Variants in PGGT1B observed in about 807,000 individuals in gnomAD.
PGGT1B encodes the protein protein geranylgeranyltransferase type I subunit beta, also known as geranylgeranyl transferase type-1 subunit beta.
A neutral mutation model predicts 46.1 loss-of-function variants in PGGT1B; 30 were observed. That is an observed-to-expected ratio of 0.65 (90% CI 0.49 to 0.88). The LOEUF (loss-of-function observed/expected upper bound fraction) is 0.88. PGGT1B is among the 40% of genes least tolerant of loss of function. PGGT1B has a pLI of 0.00. For missense variants in PGGT1B, 376 were observed against 455.9 expected, an observed-to-expected ratio of 0.82 and a Z score of 1.60; for synonymous variants, 170 against 160.0, an observed-to-expected ratio of 1.06 and a Z score of -0.47.
Position 115,212,577 on chromosome 5 carries a change from A to G in PGGT1B, c.959T>C (p.Leu320Ser), listed in dbSNP as rs746432812. ...AKWPDSHPDA[L>S]HAYFGICGLS... ...GCCACAGATCCCAAAGTATGCATGC[A>G]AAGCATCTGAAAAGAAGGCATTTAA... Residue 320 changes from leucine to serine, a missense_variant, in exon 9 of 9, where the codon TTG becomes TCG. Coordinates refer to ENST00000419445, the MANE Select transcript of PGGT1B (RefSeq NM_005023.4). 1.2e-6 allele frequency: 2 copies of G among 1,600,192 alleles called. No individual in the cohort carries two copies.
At chr5:115,237,339 T>G (rs1004699146) in intron 4 of PGGT1B, among the ~76,000 whole-genome samples, 4 of 152,182 alleles carry the variant, frequency 2.6e-5, no homozygotes. Context: ...AAAATTTTTT[T>G]TCTACCTTAA....
At chr5:115,238,045 GTGAAA>G (rs760423609) in intron 3 of PGGT1B, 36 bp from the exon 4 acceptor site, 1 of 1,448,010 alleles carries the variant, frequency 6.9e-7, no homozygotes, top group Non-Finnish European at 9.4e-7. Context: ...AATTAATGAA[GTGAAA>G]TGAAAACTTA....
chr5:115,251,519 A>T (rs1040619738), intron 2 of PGGT1B, among the ~76,000 whole-genome samples: 9 of 152,088 alleles, frequency 5.9e-5, no homozygotes, highest in Admixed American at 3.3e-4. Flanking sequence ...AATAATCCTT[A>T]ATAGTGGGGG....
intron 5 of PGGT1B, among the ~76,000 whole-genome samples, chr5:115,232,813 A>G (rs190675941): frequency 7.9e-5 from 12 of 152,156 alleles, no homozygotes; most frequent in African/African-American, 2.9e-4. Context: ...AGAATGTGCA[A>G]GTCAAAGTGG....
rs536948038 is a variant in PGGT1B, at chr5:115,209,185, T to C, written c.*3217A>G. The C allele has an allele frequency of 1.3e-5, 2 of 152,238 alleles. No individual in the cohort carries two copies. The highest frequency in any genetic ancestry group is 6.6e-5 in the Admixed American group (1 of 15,254). 9.4% of individuals were successfully genotyped at this position (152,238 alleles called of 1,614,324 possible). On this transcript the variant is annotated 3_prime_UTR_variant, in exon 9 of 9. Transcript: ENST00000419445. ...TCTTGGCCTTTCTTCCCAATACTTA[T>C]CTAGATCTTCTTTCCTTTGTCCTAT...
chr5:115,213,626 C>T (rs1756314374), intron 8 of PGGT1B, among the ~76,000 whole-genome samples: 2 of 151,978 alleles, frequency 1.3e-5, no homozygotes, highest in Non-Finnish European at 2.9e-5. Context: ...ACAAAAATTA[C>T]CAGGTATGGT....
Position 115,231,019 on chromosome 5 carries a change from G to A in PGGT1B, c.615C>T (p.Ser205=). ...KAITYIRRSM[S]YDNGLAQGAG... ...CTCCCTGTGCCAGTCCATTGTCATA[G>A]GACTGAAAAAGAAAAACATTGTTCA... is the stretch of plus-strand genomic sequence containing the variant. Residue 205 remains serine, a splice_region_variant and synonymous_variant, in exon 6 of 9, where the codon TCC becomes TCT. Coordinates refer to ENST00000419445, the MANE Select transcript of PGGT1B (RefSeq NM_005023.4). 6.5e-7 allele frequency: 1 copy of A among 1,532,930 alleles called. No individual in the cohort carries two copies. The allele number at this position is 1,532,930 out of a possible 1,614,324, so 95.0% of individuals were successfully genotyped here.
intron 6 of PGGT1B, among the ~76,000 whole-genome samples, chr5:115,224,654 G>A (rs910454452): frequency 4.6e-5 from 7 of 152,032 alleles, no homozygotes; most frequent in African/African-American, 2.4e-5. Flanking sequence ...AGAACTGCTT[G>A]AGCTCAGGAG....
chr5:115,255,006 A>T (rs1054072709), intron 1 of PGGT1B, among the ~76,000 whole-genome samples: 2 of 152,124 alleles, frequency 1.3e-5, no homozygotes, highest in African/African-American at 4.8e-5. Flanking sequence ...AAGTTGGCCA[A>T]TTTCACTAGA....
intron 8 of PGGT1B, among the ~76,000 whole-genome samples, chr5:115,215,750 G>A (rs1298788531): frequency 1.3e-5 from 2 of 152,040 alleles, no homozygotes; most frequent in East Asian, 1.9e-4. Flanking sequence ...GATGGAAGAT[G>A]AGTTGATGAG....
At chr5:115,246,295 G>T (rs1366065459) in intron 2 of PGGT1B, among the ~76,000 whole-genome samples, 3 of 151,318 alleles carry the variant, frequency 2.0e-5, no homozygotes, top group Non-Finnish European at 4.4e-5. Flanking sequence ...GGTGGAGGTT[G>T]CAGTGAGCCA....
intron 3 of PGGT1B, 96 bp downstream of exon 3, chr5:115,241,443 G>A (rs980324003): frequency 1.9e-5 from 12 of 618,380 alleles, no homozygotes; most frequent in Non-Finnish European, 2.4e-5. Context: ...ATTGAAATCT[G>A]GAAGCCTGTT....
intron 4 of PGGT1B, among the ~76,000 whole-genome samples, chr5:115,237,350 A>G (rs962379737): frequency 2.2e-4 from 33 of 152,096 alleles, no homozygotes; most frequent in African/African-American, 8.0e-4. Flanking sequence ...TCTACCTTAA[A>G]GCTCCAGGAA....
intron 5 of PGGT1B, among the ~76,000 whole-genome samples, chr5:115,235,680 C>G (rs1047692005): frequency 1.3e-5 from 2 of 152,084 alleles, no homozygotes; most frequent in African/African-American, 2.4e-5. Flanking sequence ...TTAATGGTAT[C>G]TTCTTTCTGT....
rs1003946498 is a variant in PGGT1B, at chr5:115,205,516, T to C, written c.*6886A>G. ...AAAAAAATGTGGCATAAAAAGAATGTTATTTCTGGAGACAGAAAACATGCA... is the reference window on the plus strand; with the variant it reads ...AAAAAAATGTGGCATAAAAAGAATGCTATTTCTGGAGACAGAAAACATGCA... On this transcript the variant is annotated 3_prime_UTR_variant, in exon 9 of 9. Transcript: ENST00000419445. 2 of 152,146 alleles carry C rather than the reference T, an allele frequency of 1.3e-5. No homozygotes were observed. Among genetic ancestry groups the C allele is most frequent in the Non-Finnish European group, 2.9e-5 (2 of 67,990 alleles). 9.4% of individuals were successfully genotyped at this position (152,146 alleles called of 1,614,324 possible). A position where few individuals can be genotyped will look rare whatever the true frequency, so the allele number is the denominator to read the frequency against.
chr5:115,232,335 A>G (rs1199520502), intron 5 of PGGT1B, among the ~76,000 whole-genome samples: 1 of 152,024 alleles, frequency 6.6e-6, no homozygotes, highest in Non-Finnish European at 1.5e-5. Flanking sequence ...AAAACTTCAC[A>G]TAAAAGGAAT....
rs1174893026 is a variant in PGGT1B at position 115,254,763 on chromosome 5, T to TAAATATTTG, written c.141-1517_141-1509dup. Among the ~76,000 whole-genome samples the TAAATATTTG allele has an allele frequency of 2.0e-5, 3 of 152,096 alleles. No homozygotes were observed. In the East Asian group the frequency reaches 5.8e-4, roughly 29 times the overall value. ...CAGAGATTTGGGTGCACTTCAGAAA[T>TAAATATTTG]AAATATTTGGGAAACATCCTATTGA... On this transcript the variant is annotated intron_variant, in intron 1 of 8. Coordinates refer to ENST00000419445, the MANE Select transcript of PGGT1B (RefSeq NM_005023.4).
intron 2 of PGGT1B, among the ~76,000 whole-genome samples, chr5:115,245,797 T>C (rs893980464): frequency 2.6e-5 from 4 of 152,156 alleles, no homozygotes; most frequent in African/African-American, 9.7e-5. Flanking sequence ...GGTCACAGTA[T>C]AGGGAAAAGA....
intron 1 of PGGT1B, 137 bp from the exon 2 acceptor site, chr5:115,253,392 AAT>A: frequency 5.0e-6 from 3 of 594,190 alleles, no homozygotes; most frequent in Non-Finnish European, 5.6e-6. Context: ...AAAAGCAAAA[AAT>A]ATATATATAC....
Sources: gnomAD v4.1 joint callset for allele counts (sites outside exome capture counted in the v4.1 genomes callset) on GRCh38, gnomAD v4.1.1 for gene constraint, MANE v1.5 for transcripts, NCBI Gene and HGNC (gene_info 2026-07-23, HGNC 2026-07-21) for gene names.